Variants in TBC1D12 observed in about 807,000 individuals in gnomAD.
TBC1D12 encodes TBC1 domain family member 12.
Under a neutral mutation model 86.7 loss-of-function variants are expected in TBC1D12, and 56 were observed. The ratio of observed to expected loss-of-function variants is 0.65; its 90% CI spans 0.52 to 0.81. The LOEUF (loss-of-function observed/expected upper bound fraction) is 0.81, where lower values mean the gene tolerates loss of function less well. Ranked by LOEUF, TBC1D12 falls within the 30% of genes least tolerant of loss-of-function variation. TBC1D12 has a pLI of 0.00. For missense variants in TBC1D12, 1,023 were observed against 1,038.8 expected (o/e 0.98, Z 0.21); for synonymous variants, 421 against 411.7 (o/e 1.02, Z -0.27).
chr10:94,510,272 A>G, intron 8 of TBC1D12, 93 bp downstream of exon 8: 2 of 845,194 alleles, frequency 2.4e-6, no homozygotes, highest in East Asian at 5.8e-5. Context: ...TTACTTTAAA[A>G]AAGGCAAAAC....
chr10:94,536,246 T>C lies in TBC1D12; in HGVS notation c.*3150T>C, dbSNP rs1264812437. The stretch of plus-strand genomic sequence containing the variant: ...ACTCAAAATAATGTGAAATTTAATA[T>C]GGTGTTTCATTTGTTTGTCTACTCA... On this transcript the variant is annotated 3_prime_UTR_variant, in exon 13 of 13. Transcript: ENST00000225235. Among the ~76,000 whole-genome samples, 1 of 152,126 alleles carries C rather than the reference T, an allele frequency of 6.6e-6. No individual in the cohort carries two copies. The highest frequency in any genetic ancestry group is 6.5e-5 in the Admixed American group (1 of 15,270).
intron 11 of TBC1D12, among the ~76,000 whole-genome samples, chr10:94,527,402 T>C (rs975891660): frequency 3.3e-5 from 5 of 151,796 alleles, no homozygotes; most frequent in African/African-American, 1.2e-4. Flanking sequence ...GTTTTTTTTT[T>C]TTCTTTTGCT....
intron 2 of TBC1D12, among the ~76,000 whole-genome samples, chr10:94,458,014 A>G (rs2134115784): frequency 6.6e-6 from 1 of 152,290 alleles, no homozygotes; most frequent in Non-Finnish European, 1.5e-5. Context: ...ATGAGCATAC[A>G]TAATTGAACA....
At chr10:94,446,110 T>G (rs2055458542) in intron 2 of TBC1D12, among the ~76,000 whole-genome samples, 1 of 152,228 alleles carries the variant, frequency 6.6e-6, no homozygotes, top group South Asian at 2.1e-4. Context: ...GATTTTCTTT[T>G]TATAGTAATG....
At chr10:94,508,745 C>T (rs1449469662) in intron 7 of TBC1D12, 1 of 152,010 alleles carries the variant, frequency 6.6e-6, no homozygotes, top group Non-Finnish European at 1.5e-5. Flanking sequence ...CAGATATTTT[C>T]TTTAACATAT....
intron 4 of TBC1D12, among the ~76,000 whole-genome samples, chr10:94,496,069 C>T (rs1031079815): frequency 2.0e-5 from 3 of 152,030 alleles, no homozygotes; most frequent in African/African-American, 7.2e-5. Context: ...CACCACTGCA[C>T]TGCAGCCTGG....
At chr10:94,421,951 G>A (rs2055079593) in intron 1 of TBC1D12, among the ~76,000 whole-genome samples, 1 of 152,120 alleles carries the variant, frequency 6.6e-6, no homozygotes, top group South Asian at 2.1e-4. Flanking sequence ...TAAATGATTT[G>A]CAATTATTTT....
intron 1 of TBC1D12, among the ~76,000 whole-genome samples, chr10:94,415,472 G>C (rs992174624): frequency 6.6e-6 from 1 of 152,196 alleles, no homozygotes; most frequent in Non-Finnish European, 1.5e-5. Context: ...GGTGGCTCAT[G>C]CCTGCAATCC....
chr10:94,419,368 A>C (rs2055044929), intron 1 of TBC1D12, among the ~76,000 whole-genome samples: 1 of 152,092 alleles, frequency 6.6e-6, no homozygotes, highest in Non-Finnish European at 1.5e-5. Flanking sequence ...ATTAACCTGC[A>C]TTTTAGATTC....
At chr10:94,524,908 C>CT (rs1300815911) in intron 11 of TBC1D12, among the ~76,000 whole-genome samples, 1 of 151,888 alleles carries the variant, frequency 6.6e-6, no homozygotes, top group Non-Finnish European at 1.5e-5. Flanking sequence ...CTCCTCCCAC[C>CT]TGGAACTCCT....
Position 94,441,929 on chromosome 10 carries a change from A to G in TBC1D12, c.1005A>G (p.Lys335=). The G allele has an allele frequency of 6.2e-7, 1 of 1,613,182 alleles. No homozygotes were observed. Residue 335 remains lysine, a synonymous_variant, in exon 2 of 13, where the codon AAA becomes AAG. Coordinates refer to ENST00000225235, the MANE Select transcript of TBC1D12 (RefSeq NM_015188.2). The part of the protein sequence containing the change: ...NLFPKRTKEL[K]SVVHSAPGWK... ...TTCCAAAAAGGACAAAGGAACTCAA[A>G]TCAGTTGTCCATAGTGCTCCTGGTT...
intron 1 of TBC1D12, 127 bp downstream of exon 1, chr10:94,403,711 C>T: frequency 1.7e-6 from 2 of 1,173,986 alleles, no homozygotes; most frequent in Non-Finnish European, 2.3e-6. Context: ...CCGTGCCAGC[C>T]CCACACGCGT....
At chr10:94,433,695 C>T (rs898202333) in intron 1 of TBC1D12, among the ~76,000 whole-genome samples, 1 of 152,264 alleles carries the variant, frequency 6.6e-6, no homozygotes, top group Middle Eastern at 3.4e-3. Context: ...GGTATAACTT[C>T]ATCTTATATT....
At chr10:94,429,032 TGACCTGGATAG>T (rs2055182773) in intron 1 of TBC1D12, among the ~76,000 whole-genome samples, 1 of 152,128 alleles carries the variant, frequency 6.6e-6, no homozygotes, top group Non-Finnish European at 1.5e-5. Flanking sequence ...TAAAGAACTC[TGACCTGGATAG>T]TCTTTTTTTT....
intron 9 of TBC1D12, among the ~76,000 whole-genome samples, chr10:94,514,161 G>A (rs1328502154): frequency 1.3e-5 from 2 of 152,002 alleles, no homozygotes; most frequent in African/African-American, 4.8e-5. Context: ...GATCGCTTGA[G>A]CCCAGGAGTT....
chr10:94,470,011 A>G (rs893294836), intron 2 of TBC1D12, among the ~76,000 whole-genome samples: 1 of 152,194 alleles, frequency 6.6e-6, no homozygotes, highest in Non-Finnish European at 1.5e-5. Flanking sequence ...AGTCTACTCT[A>G]TGTCTCTGAA....
At chr10:94,528,407 T>C (rs1346068538) in intron 11 of TBC1D12, among the ~76,000 whole-genome samples, 1 of 152,248 alleles carries the variant, frequency 6.6e-6, no homozygotes, top group Non-Finnish European at 1.5e-5. Context: ...TATCATGTTT[T>C]CTGTTGAAAA....
At chr10:94,492,627 G>A (rs922862255) in intron 3 of TBC1D12, among the ~76,000 whole-genome samples, 1 of 152,078 alleles carries the variant, frequency 6.6e-6, no homozygotes, top group Non-Finnish European at 1.5e-5. Flanking sequence ...CTGAGCAAAA[G>A]AAGCCAGACA....
chr10:94,487,049 A>T (rs983753663), intron 3 of TBC1D12, among the ~76,000 whole-genome samples: 2 of 152,084 alleles, frequency 1.3e-5, no homozygotes, highest in African/African-American at 4.8e-5. Context: ...CCCCTTTATC[A>T]TTATATAATG....
Sources: gnomAD v4.1 joint callset for allele counts (sites outside exome capture counted in the v4.1 genomes callset) on GRCh38, gnomAD v4.1.1 for gene constraint, MANE v1.5 for transcripts, NCBI Gene and HGNC (gene_info 2026-07-23, HGNC 2026-07-21) for gene names.